Variants in CA10 observed in about 807,000 individuals in gnomAD.
CA10 encodes the protein carbonic anhydrase 10 (inactive).
CA10 carries 14 observed loss-of-function variants against 44.2 expected under a neutral mutation model. That is an observed-to-expected ratio of 0.32 (90% CI 0.21 to 0.50). The LOEUF (loss-of-function observed/expected upper bound fraction) is 0.50. Among genes scored for constraint, CA10 ranks in the 20% least tolerant of loss-of-function variants. The pLI is 0.99. For missense variants in CA10, 350 were observed against 409.7 expected (o/e 0.85, Z 1.26); for synonymous variants, 159 against 141.6 (o/e 1.12, Z -0.87).
intron 3 of CA10, among the ~76,000 whole-genome samples, chr17:51,804,162 C>A (rs946442287): frequency 1.3e-5 from 2 of 152,134 alleles, no homozygotes; most frequent in African/African-American, 4.8e-5. Context: ...TTTTAACAAT[C>A]TTTGTGCTTT....
At chr17:52,090,799 G>A (rs1988238339) in intron 1 of CA10, among the ~76,000 whole-genome samples, 1 of 152,100 alleles carries the variant, frequency 6.6e-6, no homozygotes, top group South Asian at 2.1e-4. Context: ...ACCCCTACAT[G>A]AGATGAACTG....
intron 2 of CA10, among the ~76,000 whole-genome samples, chr17:52,047,928 T>C (rs1986955960): frequency 6.6e-6 from 1 of 150,904 alleles, no homozygotes; most frequent in Admixed American, 6.6e-5. Flanking sequence ...ATTAGTAAAA[T>C]AAAAGCCTGA....
intron 4 of CA10, among the ~76,000 whole-genome samples, chr17:51,740,823 C>T (rs1904426024): frequency 6.6e-6 from 1 of 152,176 alleles, no homozygotes; most frequent in Non-Finnish European, 1.5e-5. Context: ...GGCAACCTCA[C>T]AAATGTCATC....
In CA10 at chr17:52,028,769, G is replaced by A. The variant is rs144602976; in HGVS notation, c.136+43550C>T. Among the ~76,000 whole-genome samples the A allele has an allele frequency of 1.2e-3, 187 of 152,302 alleles. 5 individuals are homozygous for A. The South Asian group carries it at 0.023, about 19-fold the overall frequency. ...GCCATCATCTTGATTTAGACATACT[G>A]TCCACTTCTCTAATGCAAACCCACA... On this transcript the variant is annotated intron_variant, in intron 2 of 8. Coordinates refer to ENST00000451037, the MANE Select transcript of CA10 (RefSeq NM_020178.5).
chr17:51,973,228 C>T (rs752384086), intron 2 of CA10, among the ~76,000 whole-genome samples: 1 of 152,164 alleles, frequency 6.6e-6, no homozygotes, highest in Non-Finnish European at 1.5e-5. Context: ...CAAGTGAGAT[C>T]CATACTGATC....
chr17:52,151,497 A>G (rs1449506759), intron 1 of CA10, among the ~76,000 whole-genome samples: 1 of 152,072 alleles, frequency 6.6e-6, no homozygotes, highest in African/African-American at 2.4e-5. Context: ...AGTATACTTT[A>G]TACACATTTC....
At chr17:52,084,668 A>G (rs1183990854) in intron 1 of CA10, among the ~76,000 whole-genome samples, 2 of 152,142 alleles carry the variant, frequency 1.3e-5, no homozygotes, top group African/African-American at 2.4e-5. Context: ...TAATTAGAAT[A>G]CTGCTATTTT....
chr17:51,834,168 G>A (rs1908389100), intron 3 of CA10, among the ~76,000 whole-genome samples: 1 of 152,180 alleles, frequency 6.6e-6, no homozygotes, highest in Admixed American at 6.5e-5. Flanking sequence ...AATCTATAGA[G>A]CACAACTTAA....
chr17:52,029,353 A>G (rs916198330), intron 2 of CA10, among the ~76,000 whole-genome samples: 1 of 152,172 alleles, frequency 6.6e-6, no homozygotes, highest in African/African-American at 2.4e-5. Context: ...AAGCCCAATC[A>G]TATTCCCACA....
At chr17:52,106,369 T>C (rs1362201789) in intron 1 of CA10, among the ~76,000 whole-genome samples, 3 of 152,174 alleles carry the variant, frequency 2.0e-5, no homozygotes, top group Non-Finnish European at 4.4e-5. Context: ...CGCTGATTTG[T>C]TTATTGCTGA....
chr17:52,082,434 A>AG, intron 1 of CA10, among the ~76,000 whole-genome samples: 1 of 152,270 alleles, frequency 6.6e-6, no homozygotes, highest in African/African-American at 2.4e-5. Context: ...TTTCATTCTT[A>AG]TTTTTAATGT....
intron 2 of CA10, among the ~76,000 whole-genome samples, chr17:52,038,400 T>C (rs936375518): frequency 1.4e-4 from 21 of 152,176 alleles, no homozygotes; most frequent in Non-Finnish European, 3.1e-4. Flanking sequence ...TTTGCCCAAA[T>C]AGAGCAGCTT....
chr17:51,939,949 T>C (rs1319931928), intron 2 of CA10, among the ~76,000 whole-genome samples: 3 of 152,118 alleles, frequency 2.0e-5, no homozygotes. Flanking sequence ...GTTTTCTCTC[T>C]CATTTAAGAT....
intron 2 of CA10, among the ~76,000 whole-genome samples, chr17:51,976,640 A>G (rs1347764813): frequency 1.3e-5 from 2 of 152,032 alleles, no homozygotes; most frequent in African/African-American, 2.4e-5. Context: ...ACATGTCTAC[A>G]TTAGAAAGGA....
At position 51,832,670 on chromosome 17, in the gene CA10, A is replaced by C. The variant is rs552342789; in HGVS notation, c.280-84852T>G. On this transcript the variant is annotated intron_variant, in intron 3 of 8. Transcript: ENST00000451037. ...TGATGACCATCGAGGATTTATCTGG[A>C]GAAAAACCAGGAGCTTTAAGGTGAT... Among the ~76,000 whole-genome samples, 7 of 152,328 alleles carry C rather than the reference A, an allele frequency of 4.6e-5. 1 individual carries two copies. The South Asian group carries it at 1.4e-3, about 32-fold the overall frequency.
chr17:51,902,622 G>T (rs1981368452), intron 3 of CA10, among the ~76,000 whole-genome samples: 1 of 152,108 alleles, frequency 6.6e-6, no homozygotes, highest in South Asian at 2.1e-4. Context: ...TGGGAGCCCT[G>T]ATTCCTCTTG....
intron 1 of CA10, among the ~76,000 whole-genome samples, chr17:52,072,811 G>C (rs1987720565): frequency 6.6e-6 from 1 of 151,922 alleles, no homozygotes; most frequent in African/African-American, 2.4e-5. Flanking sequence ...AGAGATTGAA[G>C]TTTGCTGAGG....
At position 51,987,452 on chromosome 17, in the gene CA10, A is replaced by C. The variant is rs1378927326; in HGVS notation, c.137-56320T>G. ...ACACTGCTCGGGTAATGGGTGCACCAAAATCTCACAAATCACCACTAAAGA... is the reference window on the plus strand; with the variant it reads ...ACACTGCTCGGGTAATGGGTGCACCCAAATCTCACAAATCACCACTAAAGA... On this transcript the variant is annotated intron_variant, in intron 2 of 8. Coordinates refer to ENST00000451037, the MANE Select transcript of CA10 (RefSeq NM_020178.5). Among the ~76,000 whole-genome samples, 4 of 152,036 alleles carry C rather than the reference A, an allele frequency of 2.6e-5. No individual in the cohort carries two copies. In the East Asian group the frequency reaches 7.7e-4, roughly 29 times the overall value.
chr17:51,665,402 C>A (rs1914171905), intron 4 of CA10, among the ~76,000 whole-genome samples: 1 of 152,108 alleles, frequency 6.6e-6, no homozygotes, highest in South Asian at 2.1e-4. Context: ...CCCTTTTAGA[C>A]CTCAGGGTCT....
Sources: allele counts gnomAD v4.1 joint callset (sites outside exome capture counted in the v4.1 genomes callset), GRCh38; gene constraint gnomAD v4.1.1; transcripts MANE v1.5; gene names NCBI Gene and HGNC (gene_info 2026-07-23, HGNC 2026-07-21).